FLNA: variants seen among roughly 807,000 people sequenced by gnomAD.
FLNA encodes filamin A.
A neutral mutation model predicts 157.6 loss-of-function variants in FLNA; 7 were observed. That is an observed-to-expected ratio of 0.04 (90% CI 0.03 to 0.08). FLNA has a LOEUF of 0.08. Among genes scored for constraint, FLNA ranks in the 10% least tolerant of loss-of-function variants. The pLI is 1.00. For missense variants in FLNA, 1,750 were observed against 2,398.4 expected (o/e 0.73, Z 5.65); for synonymous variants, 1,103 against 1,060.8 (o/e 1.04, Z -0.77).
In FLNA at chrX:154,354,740, G is replaced by A. The variant is rs782501425; in HGVS notation, c.5218-29C>T. The A allele has an allele frequency of 4.5e-5, 54 of 1,206,718 alleles. No homozygotes were observed. In the South Asian group the frequency reaches 9.5e-4, roughly 21 times the overall value. On this transcript the variant is annotated intron_variant, in intron 31 of 47. Coordinates refer to ENST00000369850, the MANE Select transcript of FLNA (RefSeq NM_001110556.2). ...CAGGGCAAAGCAGAGAGCTGCTGGA[G>A]AGTCTGTTGTCACAGAGGGGCCCCA...
In FLNA at chrX:154,371,232, T is replaced by G. The variant is rs1557180291; in HGVS notation, c.14A>C (p.His5Pro). 2 of 1,199,440 alleles carry G rather than the reference T, an allele frequency of 1.7e-6. No individual in the cohort carries two copies. The highest frequency in any genetic ancestry group is 3.5e-5 in the African/African-American group (2 of 57,312). ...TGCTGCGCTCTGGCCCGCCCGAGAG[T>G]GGGAGCTACTCATTTTGAGGCGCGA... Reference protein sequence around the residue: MSSSHSRAGQSAAGA... With the variant: MSSSPSRAGQSAAGA... The change falls in exon 2 of 48, where the codon CAC (histidine) becomes CCC (proline). Residue 5 changes from histidine to proline, a missense_variant. His to Pro is a moderately conservative substitution (Grantham distance 77). Transcript: ENST00000369850.
At position 154,359,312 on chromosome X, in the gene FLNA, C is replaced by T. The variant is rs886044833; in HGVS notation, c.4237G>A (p.Glu1413Lys). Residue 1413 changes from glutamate (E) to lysine (K), a missense_variant, in exon 25 of 48, where the codon GAG becomes AAG. By Grantham distance (56) the Glu-to-Lys change is moderately conservative. Transcript: ENST00000369850. ...GTGCCAGCCTCATAAGGGATGTACT[C>T]GACCGAGCAGCTGCCGTCCTTGTTA... is the stretch of plus-strand genomic sequence containing the variant. ...MDNKDGSCSVEYIPYEAGTYS... is the reference protein window; with the variant it reads ...MDNKDGSCSVKYIPYEAGTYS... 3 of 1,209,980 alleles carry T rather than the reference C, an allele frequency of 2.5e-6. No homozygotes were observed. In the African/African-American group the frequency reaches 5.2e-5, roughly 21 times the overall value.
At chrX:154,360,712 G>T in intron 21 of FLNA, 125 bp from the exon 22 acceptor site, 1 of 613,425 alleles carries the variant, frequency 1.6e-6, no homozygotes, top group Non-Finnish European at 2.5e-6. Flanking sequence ...ACACGGGCGG[G>T]CCCAGGCTGC....
rs376783033 is a variant in FLNA at position 154,348,906 on chromosome X, C to T, written c.7887G>A (p.Val2629=). The change falls in exon 48 of 48, where the codon GTG becomes GTA. Residue 2629 remains valine (V), a synonymous_variant. Transcript: ENST00000369850. ...GGATGTGCTCGTCCCCCCATTTGAC[C>T]ACCAGTGTGTACTCCCCCTTGTCCT... The part of the protein sequence containing the change: ...LLKDKGEYTL[V]VKWGDEHIPG... 2 of 1,209,589 alleles carry T rather than the reference C, an allele frequency of 1.7e-6. No homozygotes were observed. Among genetic ancestry groups the T allele is most frequent in the African/African-American group, 3.5e-5 (2 of 57,297 alleles).
chrX:154,349,939 G>A lies in FLNA; in HGVS notation c.7334-72C>T, dbSNP rs1439712376. ...GTCCTCGGCCACCCAGCACAGGCTT[G>A]TCACCTCCAGGTGCCTCCTGTTGTC... On this transcript the variant is annotated intron_variant, in intron 45 of 47. Transcript: ENST00000369850. The A allele has an allele frequency of 5.1e-6, 6 of 1,181,264 alleles. No homozygotes were observed. In the South Asian group the frequency reaches 8.9e-5, roughly 18 times the overall value.
At chrX:154,356,711 C>T (rs2067665583) in intron 30 of FLNA, among the ~76,000 whole-genome samples, 2 of 112,434 alleles carry the variant, frequency 1.8e-5, no homozygotes, top group African/African-American at 6.5e-5. Flanking sequence ...TGAGGCTGGG[C>T]CGGGCCCCGC....
In FLNA at chrX:154,354,693, G is replaced by A. The variant is rs1557176532; in HGVS notation, c.5236C>T (p.Pro1746Ser). Residue 1746 changes from proline (P) to serine (S), a missense_variant, in exon 32 of 48, where the codon CCC becomes TCC. By Grantham distance (74) the Pro-to-Ser change is moderately conservative. Around this residue, in one of 5 missense-constraint regions of FLNA, gnomAD observed 970 missense variants for 1,302.6 expected, o/e 0.74. Transcript: ENST00000369850. Reference sequence around the variant, plus strand: ...GACCGTAGAGGGGGCTGCACCGAGGGCTGGTCCCCAGCCAGAGCCTGCAGG... The same window carrying A: ...GACCGTAGAGGGGGCTGCACCGAGGACTGGTCCCCAGCCAGAGCCTGCAGG... ...FQVTALAGDQ[P>S]SVQPPLRSQQ... 8.3e-7 allele frequency: 1 copy of A among 1,207,871 alleles called. No individual in the cohort carries two copies. Among genetic ancestry groups the A allele is most frequent in the Non-Finnish European group, 1.1e-6 (1 of 893,625 alleles).
At position 154,362,466 on chromosome X, in the gene FLNA, C is replaced by T. The variant is rs782342191; in HGVS notation, c.2517G>A (p.Thr839=). The stretch of plus-strand genomic sequence containing the variant: ...TGGTGTAGCTGCCAGCCCCCCGGGG[C>T]GTGTACTTGACCGTGAAGGTGTCAT... ...NDNDTFTVKY[T]PRGAGSYTIM... is the part of the protein sequence containing the mutation. The change falls in exon 17 of 48, where the codon ACG becomes ACA. Residue 839 remains threonine (T), a synonymous_variant. Transcript: ENST00000369850. The T allele has an allele frequency of 4.7e-5, 57 of 1,210,632 alleles. No individual in the cohort carries two copies. Among genetic ancestry groups the T allele is most frequent in the Non-Finnish European group, 6.0e-5 (54 of 895,223 alleles).
intron 43 of FLNA, 84 bp from the exon 44 acceptor site, chrX:154,351,125 G>A (rs1228164761): frequency 4.3e-5 from 47 of 1,082,745 alleles, no homozygotes; most frequent in Middle Eastern, 3.4e-4. Context: ...CAAGAGGCCC[G>A]CGGGTCGCAC....
intron 1 of FLNA, among the ~76,000 whole-genome samples, chrX:154,373,762 G>T (rs2067824125): frequency 8.8e-6 from 1 of 113,361 alleles, no homozygotes; most frequent in Non-Finnish European, 1.9e-5. Context: ...GGCAAGTCCA[G>T]GTGCGGCAGG....
At position 154,360,547 on chromosome X, in the gene FLNA, C is replaced by T. The variant is rs2148112438; in HGVS notation, c.3248G>A (p.Gly1083Asp). The T allele has an allele frequency of 8.3e-7, 1 of 1,209,314 alleles. No individual in the cohort carries two copies. Among genetic ancestry groups the T allele is most frequent in the Non-Finnish European group, 1.1e-6 (1 of 895,244 alleles). The change falls in exon 22 of 48, where the codon GGC becomes GAC. Residue 1083 changes from glycine (G) to aspartate (D), a missense_variant. By Grantham distance (94) the Gly-to-Asp change is moderately conservative (BLOSUM62 -1). This residue lies in a region of FLNA where 648 missense variants were observed against 805.8 expected (regional missense o/e 0.80). Transcript: ENST00000369850. ...GTCGATGGTGAAGCGGGCGGGGGAG[C>T]CCGCACTGCCTCCCTGCAGCCCCGG... ...FGPGLQGGSA[G>D]SPARFTIDTK...
intron 10 of FLNA, 25 bp from the exon 11 acceptor site, chrX:154,365,284 G>A: frequency 8.3e-7 from 1 of 1,211,820 alleles, no homozygotes; most frequent in Non-Finnish European, 1.1e-6. Flanking sequence ...AGGGCCTCAG[G>A]CCTGCCCAGC....
rs942277128 is a variant in FLNA at position 154,357,606 on chromosome X, C to T, written c.4773G>A (p.Pro1591=). ...AVQITDPEGK[P]KKTHIQDNHD... ...GGTTGTCTTGGATGTGTGTCTTCTT[C>T]GGCTTGCCTTCGGGATCCTGTGTGG... The change falls in exon 29 of 48, where the codon CCG becomes CCA. Residue 1591 remains proline, a synonymous_variant. Coordinates refer to ENST00000369850, the MANE Select transcript of FLNA (RefSeq NM_001110556.2). 4 of 1,211,657 alleles carry T rather than the reference C, an allele frequency of 3.3e-6. No individual in the cohort carries two copies. The highest frequency in any genetic ancestry group is 2.2e-5 in the Admixed American group (1 of 46,120).
intron 2 of FLNA, among the ~76,000 whole-genome samples, chrX:154,370,589 G>C (rs954450797): frequency 8.8e-6 from 1 of 113,220 alleles, no homozygotes; most frequent in African/African-American, 3.2e-5. Context: ...CCCACCGCGA[G>C]CACAGCCGCG....
chrX:154,360,767 C>T (rs1453182308), intron 21 of FLNA, among the ~76,000 whole-genome samples, 180 bp from the exon 22 acceptor site: 1 of 111,794 alleles, frequency 8.9e-6, no homozygotes, highest in Non-Finnish European at 1.9e-5. Context: ...AAAAGGAGGG[C>T]AGGGCGCGGT....
intron 2 of FLNA, among the ~76,000 whole-genome samples, chrX:154,370,255 C>A (rs2067794653): frequency 8.9e-6 from 1 of 112,819 alleles, no homozygotes; most frequent in African/African-American, 3.2e-5. Context: ...TCTCAGTCAA[C>A]CACGCCCAAC....
chrX:154,361,080 G>GAAAAAAAAAAAA (rs2067705553), intron 21 of FLNA, among the ~76,000 whole-genome samples: 7 of 39,632 alleles, frequency 1.8e-4, no homozygotes, highest in African/African-American at 6.8e-4. Flanking sequence ...AAAAAAAAAA[G>GAAAAAAAAAAAA]AAAGAAAAAA....
Position 154,354,881 on chromosome X carries a change from C to T in FLNA, c.5161G>A (p.Val1721Ile), listed in dbSNP as rs187497365. The change falls in exon 31 of 48, where the codon GTC (valine) becomes ATC (isoleucine). Residue 1721 changes from valine to isoleucine, a missense_variant. By Grantham distance (29) the Val-to-Ile change is conservative (BLOSUM62 3). This residue lies in a region of FLNA where 970 missense variants were observed against 1,302.6 expected (regional missense o/e 0.74). Coordinates refer to ENST00000369850, the MANE Select transcript of FLNA (RefSeq NM_001110556.2). ...FYTAPQPGKYVICVRFGGEHV... is the reference protein window; with the variant it reads ...FYTAPQPGKYIICVRFGGEHV... The stretch of plus-strand genomic sequence containing the variant: ...TCGCCACCAAAGCGCACACAGATGA[C>T]GTATTTGCCCGGCTGGGGGGCCGTG... The T allele has an allele frequency of 2.0e-5, 24 of 1,211,048 alleles. No homozygotes were observed. Among genetic ancestry groups the T allele is most frequent in the African/African-American group, 5.2e-5 (3 of 57,703 alleles).
rs899206171 is a variant in FLNA, at chrX:154,359,469, T to C, written c.4142+15A>G. The stretch of plus-strand genomic sequence containing the variant: ...CAGGCCCACCAGCCACACGGGCTCC[T>C]GGGGGCTCCCTTACCTGGTCTCCAC... On this transcript the variant is annotated intron_variant, in intron 24 of 47. Transcript: ENST00000369850. 8.3e-7 allele frequency: 1 copy of C among 1,211,469 alleles called. No homozygotes were observed. Among genetic ancestry groups the C allele is most frequent in the Non-Finnish European group, 1.1e-6 (1 of 895,409 alleles).
Sources: allele counts gnomAD v4.1 joint callset (sites outside exome capture counted in the v4.1 genomes callset), GRCh38; gene constraint gnomAD v4.1.1; regional missense constraint gnomAD v4.1.1; transcripts MANE v1.5; gene names NCBI Gene and HGNC (gene_info 2026-07-23, HGNC 2026-07-21).